Variants in SPOCK3 observed in about 807,000 individuals in gnomAD.
SPOCK3 encodes SPARC (osteonectin), cwcv and kazal like domains proteoglycan 3, also known as testican-3.
Under a neutral mutation model 56.6 loss-of-function variants are expected in SPOCK3, and 30 were observed. The ratio of observed to expected loss-of-function variants is 0.53; its 90% CI spans 0.40 to 0.72. The LOEUF is 0.72. SPOCK3 is among the 30% of genes least tolerant of loss of function. The pLI, the probability that SPOCK3 is intolerant of heterozygous loss-of-function variation, is 0.00. For missense variants in SPOCK3, 527 were observed against 530.0 expected (o/e 0.99, Z 0.06); for synonymous variants, 196 against 183.3 (o/e 1.07, Z -0.56).
At chr4:167,041,203 A>T (rs1267434919) in intron 3 of SPOCK3, among the ~76,000 whole-genome samples, 1 of 152,198 alleles carries the variant, frequency 6.6e-6, no homozygotes, top group Non-Finnish European at 1.5e-5. Flanking sequence ...TTGTAAAAGG[A>T]GCAATAAAAT....
chr4:166,812,913 T>C (rs1743987479), intron 6 of SPOCK3, among the ~76,000 whole-genome samples: 2 of 151,894 alleles, frequency 1.3e-5, no homozygotes, highest in South Asian at 4.2e-4. Flanking sequence ...TTTTGGGGGG[T>C]TGGTGGGAGT....
At chr4:166,832,108 TTTTG>T (rs756869020) in intron 6 of SPOCK3, among the ~76,000 whole-genome samples, 1 of 152,126 alleles carries the variant, frequency 6.6e-6, no homozygotes, top group African/African-American at 2.4e-5. Context: ...CTTTTTCAAT[TTTTG>T]TTTTTGTTGT....
intron 4 of SPOCK3, among the ~76,000 whole-genome samples, chr4:166,964,579 T>G (rs916216949): frequency 2.0e-5 from 3 of 151,740 alleles, no homozygotes; most frequent in Admixed American, 6.6e-5. Flanking sequence ...ATGAGTTTGA[T>G]TCCCCAAATA....
At chr4:166,765,598 T>C (rs949067924) in intron 7 of SPOCK3, among the ~76,000 whole-genome samples, 4 of 152,236 alleles carry the variant, frequency 2.6e-5, no homozygotes, top group African/African-American at 7.2e-5. Flanking sequence ...AGCCTTGTAG[T>C]ATAGTATGAA....
chr4:166,982,158 T>TC (rs901606885), intron 4 of SPOCK3, among the ~76,000 whole-genome samples: 1 of 152,100 alleles, frequency 6.6e-6, no homozygotes, highest in Non-Finnish European at 1.5e-5. Context: ...CCCCTCTGGC[T>TC]CCATGGAGCA....
intron 4 of SPOCK3, among the ~76,000 whole-genome samples, chr4:166,974,814 G>T (rs1012844912): frequency 3.9e-5 from 6 of 152,116 alleles, no homozygotes; most frequent in Admixed American, 2.6e-4. Flanking sequence ...CATTCAGTTA[G>T]AAATCTTTGT....
At chr4:166,819,166 A>G (rs564902767) in intron 6 of SPOCK3, among the ~76,000 whole-genome samples, 45 of 152,158 alleles carry the variant, frequency 3.0e-4, no homozygotes, top group African/African-American at 1.1e-3. Flanking sequence ...TCTAATACCC[A>G]TTCATTCATT....
chr4:167,159,285 A>G (rs1316165376), intron 2 of SPOCK3, among the ~76,000 whole-genome samples: 1 of 152,048 alleles, frequency 6.6e-6, no homozygotes. Flanking sequence ...TGATTGTGAT[A>G]GGGTTCAAAA....
At chr4:167,120,554 GTGTT>G (rs1282349359) in intron 2 of SPOCK3, among the ~76,000 whole-genome samples, 2 of 151,928 alleles carry the variant, frequency 1.3e-5, no homozygotes, top group Non-Finnish European at 2.9e-5. Flanking sequence ...CGATTACTCA[GTGTT>G]TGTACTTAGT....
At chr4:166,743,387 AG>A (rs1735124277) in intron 8 of SPOCK3, among the ~76,000 whole-genome samples, 1 of 152,228 alleles carries the variant, frequency 6.6e-6, no homozygotes, top group Non-Finnish European at 1.5e-5. Context: ...AGAATGAGAT[AG>A]GTGCTTAACA....
intron 8 of SPOCK3, among the ~76,000 whole-genome samples, chr4:166,751,194 T>C (rs902635419): frequency 6.6e-6 from 1 of 152,186 alleles, no homozygotes; most frequent in Non-Finnish European, 1.5e-5. Flanking sequence ...CAATTCCAAA[T>C]CCTCCATATT....
At chr4:167,161,104 G>C (rs954942038) in intron 2 of SPOCK3, among the ~76,000 whole-genome samples, 1 of 152,040 alleles carries the variant, frequency 6.6e-6, no homozygotes, top group African/African-American at 2.4e-5. Context: ...GAGTGAACAG[G>C]CAACCTACAG....
chr4:167,055,474 G>A (rs997753987), intron 3 of SPOCK3, among the ~76,000 whole-genome samples: 24 of 152,140 alleles, frequency 1.6e-4, no homozygotes, highest in African/African-American at 3.1e-4. Context: ...GCAGCACACC[G>A]TGCGCGAGCC....
chr4:166,991,698 T>C (rs144637061), intron 4 of SPOCK3, among the ~76,000 whole-genome samples: 44 of 152,160 alleles, frequency 2.9e-4, no homozygotes, highest in Non-Finnish European at 5.7e-4. Flanking sequence ...AAAAATAAAC[T>C]ACGACAGTTG....
intron 4 of SPOCK3, among the ~76,000 whole-genome samples, chr4:166,962,506 C>T (rs556806560): frequency 6.6e-6 from 1 of 151,968 alleles, no homozygotes; most frequent in Non-Finnish European, 1.5e-5. Context: ...CATTAGAGAA[C>T]CTTCTATAGT....
intron 2 of SPOCK3, among the ~76,000 whole-genome samples, chr4:167,177,260 C>T (rs1731065624): frequency 6.6e-6 from 1 of 151,794 alleles, no homozygotes; most frequent in African/African-American, 2.4e-5. Context: ...TCAAAAGGCC[C>T]AGGAAGAAGG....
At chr4:166,829,748 T>C (rs953271178) in intron 6 of SPOCK3, among the ~76,000 whole-genome samples, 2 of 152,138 alleles carry the variant, frequency 1.3e-5, no homozygotes, top group Non-Finnish European at 2.9e-5. Context: ...TTAGATAATA[T>C]TGTGTAGCTT....
At chr4:167,229,224 CTTTAAT>C (rs1736905119) in intron 2 of SPOCK3, among the ~76,000 whole-genome samples, 2 of 152,112 alleles carry the variant, frequency 1.3e-5, no homozygotes, top group South Asian at 2.1e-4. Context: ...ACAAATAAAT[CTTTAAT>C]TTTATTTTTG....
intron 6 of SPOCK3, among the ~76,000 whole-genome samples, chr4:166,800,323 A>G (rs1034552271): frequency 6.6e-6 from 1 of 152,114 alleles, no homozygotes; most frequent in Non-Finnish European, 1.5e-5. Flanking sequence ...CAAGCAAACC[A>G]ATATAGACAT....
Sources: gnomAD v4.1 joint callset for allele counts (sites outside exome capture counted in the v4.1 genomes callset) on GRCh38, gnomAD v4.1.1 for gene constraint, MANE v1.5 for transcripts, NCBI Gene and HGNC (gene_info 2026-07-23, HGNC 2026-07-21) for gene names.